The following DFFB variants were observed in gnomAD, a reference collection of about 807,000 sequenced individuals.
The protein encoded by DFFB is DNA fragmentation factor 40 kDa subunit.
A neutral mutation model predicts 32.7 loss-of-function variants in DFFB; 29 were observed. The observed-to-expected ratio is 0.89, with a 90% CI of 0.66 to 1.21. The LOEUF is 1.21. Among genes scored for constraint, DFFB ranks in the 50% most tolerant of loss-of-function variants. The pLI, the probability that DFFB is intolerant of heterozygous loss-of-function variation, is 0.00. For synonymous variants in DFFB, 170 were observed against 177.1 expected, an observed-to-expected ratio of 0.96 and a Z score of 0.32; for missense variants, 398 against 440.6, an observed-to-expected ratio of 0.90 and a Z score of 0.87.
intron 2 of DFFB, among the ~76,000 whole-genome samples, chr1:3,861,298 A>G (rs188052622): frequency 6.6e-6 from 1 of 152,236 alleles, no homozygotes; most frequent in Non-Finnish European, 1.5e-5. Context: ...ATTGCTGAGT[A>G]GCATTCCATG....
intron 6 of DFFB, among the ~76,000 whole-genome samples, chr1:3,875,571 C>G: frequency 6.6e-6 from 1 of 152,292 alleles, no homozygotes; most frequent in South Asian, 2.1e-4. Context: ...ATTTTCCCAA[C>G]CCGATAGGTG....
chr1:3,883,374 A>G, intron 6 of DFFB, 133 bp from the exon 7 acceptor site: 1 of 795,986 alleles, frequency 1.3e-6, no homozygotes, highest in Non-Finnish European at 2.0e-6. Flanking sequence ...AAACCTGGCC[A>G]GTAGGTGCGG....
At chr1:3,868,212 G>A (rs969104346) in intron 4 of DFFB, among the ~76,000 whole-genome samples, 159 bp downstream of exon 4, 13 of 152,136 alleles carry the variant, frequency 8.5e-5, no homozygotes, top group African/African-American at 1.2e-4. Flanking sequence ...GCTAGCGCAC[G>A]GACCCTGTGC....
chr1:3,860,534 C>A (rs1041285350), intron 2 of DFFB: 1 of 376,102 alleles, frequency 2.7e-6, no homozygotes, highest in Admixed American at 2.7e-5. Context: ...TGGCCTAAAC[C>A]GTTTATTTAG....
chr1:3,858,571 T>G (rs1644808501), intron 1 of DFFB, 147 bp from the exon 2 acceptor site: 1 of 985,970 alleles, frequency 1.0e-6, no homozygotes, highest in Non-Finnish European at 1.5e-6. Context: ...CATCCTTGCC[T>G]GGGCGTTGGA....
chr1:3,865,594 C>G lies in DFFB; in HGVS notation c.242-218C>G. The G allele has an allele frequency of 5.7e-6, 4 of 696,402 alleles. No homozygotes were observed. Among genetic ancestry groups the G allele is most frequent in the Non-Finnish European group, 1.0e-5 (4 of 387,834 alleles). 43.1% of individuals were successfully genotyped at this position (696,402 alleles called of 1,614,324 possible). ...TTTCATCTGTCCTCTAAAGCACACC[C>G]TGCCCCTCCCTCCTCTGTCCTCATG... On this transcript the variant is annotated intron_variant, in intron 2 of 6. Coordinates refer to ENST00000378209, the MANE Select transcript of DFFB (RefSeq NM_004402.4). The surrounding 1 kb of genome is among the most constrained non-coding windows in gnomAD (Gnocchi z 4.7).
chr1:3,861,454 G>A (rs1644879253), intron 2 of DFFB, among the ~76,000 whole-genome samples: 1 of 151,944 alleles, frequency 6.6e-6, no homozygotes. Flanking sequence ...TTTGAGACAG[G>A]GTCTCACCCT....
rs766725821 is a variant in DFFB, at chr1:3,857,561, G to A, written c.-43G>A. The A allele has an allele frequency of 2.8e-5, 40 of 1,431,152 alleles. No individual in the cohort carries two copies. Among genetic ancestry groups the A allele is most frequent in the African/African-American group, 4.3e-5 (3 of 69,284 alleles). 88.7% of individuals were successfully genotyped at this position (1,431,152 alleles called of 1,614,324 possible). A position where few individuals can be genotyped will look rare whatever the true frequency, so the allele number is the denominator to read the frequency against. On this transcript the variant is annotated 5_prime_UTR_variant, in exon 1 of 7. It adds an upstream start codon to the 5' untranslated region. Coordinates refer to ENST00000378209, the MANE Select transcript of DFFB (RefSeq NM_004402.4). ...ACGGATCTGAGCAGCTGGGCAGCAG[G>A]TGCCACCGCCTGTGGGACCCAGAGG... is the stretch of plus-strand genomic sequence containing the variant.
At chr1:3,858,606 C>T in intron 1 of DFFB, 112 bp from the exon 2 acceptor site, 1 of 1,375,258 alleles carries the variant, frequency 7.3e-7, no homozygotes, top group Non-Finnish European at 9.9e-7. Context: ...CAGGCGGCAG[C>T]CTGAGCCTGC....
intron 6 of DFFB, among the ~76,000 whole-genome samples, chr1:3,880,561 G>T (rs35259658): frequency 0.1 from 15,745 of 152,230 alleles, 1,059 homozygotes; most frequent in Non-Finnish European, 0.15. Context: ...TGCCGCTGCT[G>T]GGTCTGCCTC....
Position 3,878,808 on chromosome 1 carries a change from T to G in DFFB, c.783-4699T>G, listed in dbSNP as rs114403617. Among the ~76,000 whole-genome samples, 597 of 152,320 alleles carry G rather than the reference T, an allele frequency of 3.9e-3. 1 individual carries two copies. The highest frequency in any genetic ancestry group is 0.014 in the African/African-American group (564 of 41,570). ...TTTTATGGCCAACACTTCCATTTAT[T>G]TATCAACAGATTCACCCGTGTCTGT... On this transcript the variant is annotated intron_variant, in intron 6 of 6. Coordinates refer to ENST00000378209, the MANE Select transcript of DFFB (RefSeq NM_004402.4).
In DFFB at chr1:3,868,024, G is replaced by A; in HGVS notation, c.481G>A (p.Glu161Lys). Residue 161 changes from glutamate to lysine, a missense_variant, in exon 4 of 7, where the codon GAG (glutamate) becomes AAG (lysine). Glu to Lys is a moderately conservative substitution (Grantham distance 56). Coordinates refer to ENST00000378209, the MANE Select transcript of DFFB (RefSeq NM_004402.4). Reference protein sequence around the residue: ...SKSGYLRYSCESRIRSYLREV... With the variant: ...SKSGYLRYSCKSRIRSYLREV... ...GTCTGGCTATCTGAGATACAGCTGT[G>A]AGAGCCGGATCCGGAGTTACCTGAG... 1 of 1,614,140 alleles carries A rather than the reference G, an allele frequency of 6.2e-7. No individual in the cohort carries two copies. The highest frequency in any genetic ancestry group is 8.5e-7 in the Non-Finnish European group (1 of 1,180,008).
At chr1:3,868,613 G>C (rs74205640) in intron 4 of DFFB, among the ~76,000 whole-genome samples, 34,404 of 50,170 alleles carry the variant, frequency 0.69, 10,144 homozygotes, top group Non-Finnish European at 0.71. Context: ...CACCATACCA[G>C]ACCACACCAC....
rs1281786716 is a variant in DFFB, at chr1:3,865,623, C to T, written c.242-189C>T. ...CCCTCCCTCCTCTGTCCTCATGCCG[C>T]CCTTGTGCGTGGTCCCCAGCTGTTG... is the stretch of plus-strand genomic sequence containing the variant. On this transcript the variant is annotated intron_variant, in intron 2 of 6. Coordinates refer to ENST00000378209, the MANE Select transcript of DFFB (RefSeq NM_004402.4). This position sits in a 1 kb window ranked among gnomAD's most constrained non-coding sequence, Gnocchi z 4.7. 4.9e-6 allele frequency: 4 copies of T among 823,010 alleles called. No individual in the cohort carries two copies. The highest frequency in any genetic ancestry group is 3.4e-5 in the African/African-American group (2 of 59,566). 51.0% of individuals were successfully genotyped at this position (823,010 alleles called of 1,614,324 possible).
In DFFB at chr1:3,865,938, T is replaced by C. The variant is rs1467392887; in HGVS notation, c.368T>C (p.Leu123Pro). Reference sequence around the variant, plus strand: ...AGGCAGAGGCTGCTGGCTGACCTCCTGCACAACGTCAGCCAGAACATCGCG... The same window carrying C: ...AGGCAGAGGCTGCTGGCTGACCTCCCGCACAACGTCAGCCAGAACATCGCG... ...PQRQRLLADLLHNVSQNIAAE... is the reference protein window; with the variant it reads ...PQRQRLLADLPHNVSQNIAAE... The change falls in exon 3 of 7, where the codon CTG (leucine) becomes CCG (proline). Residue 123 changes from leucine to proline, a missense_variant. By Grantham distance (98) the Leu-to-Pro change is moderately conservative. Coordinates refer to ENST00000378209, the MANE Select transcript of DFFB (RefSeq NM_004402.4). This position sits in a 1 kb window ranked among gnomAD's most constrained non-coding sequence, Gnocchi z 4.7. The C allele has an allele frequency of 1.2e-6, 2 of 1,607,700 alleles. No individual in the cohort carries two copies. Among genetic ancestry groups the C allele is most frequent in the Admixed American group, 1.7e-5 (1 of 59,786 alleles).
intron 2 of DFFB, 60 bp downstream of exon 2, chr1:3,858,904 C>A: frequency 6.3e-7 from 1 of 1,593,120 alleles, no homozygotes; most frequent in Non-Finnish European, 8.5e-7. Context: ...GTCCTGGGGG[C>A]TTAGCTCCAG....
rs1428701538 is a variant in DFFB at position 3,883,964 on chromosome 1, T to C, written c.*223T>C. Reference sequence around the variant, plus strand: ...TTTTGTAGATGGAGTTTCACTTTTGTTGCCCAGGCTGGAGTGTAGTGGCGC... The same window carrying C: ...TTTTGTAGATGGAGTTTCACTTTTGCTGCCCAGGCTGGAGTGTAGTGGCGC... On this transcript the variant is annotated 3_prime_UTR_variant, in exon 7 of 7. Transcript: ENST00000378209. 1 of 542,706 alleles carries C rather than the reference T, an allele frequency of 1.8e-6. No individual in the cohort carries two copies. The highest frequency in any genetic ancestry group is 3.3e-6 in the Non-Finnish European group (1 of 304,722). 33.6% of individuals were successfully genotyped at this position (542,706 alleles called of 1,614,324 possible).
chr1:3,876,939 G>A (rs1311836232), intron 6 of DFFB, among the ~76,000 whole-genome samples: 2 of 152,252 alleles, frequency 1.3e-5, no homozygotes, highest in African/African-American at 2.4e-5. Context: ...AAGGTGGCAC[G>A]AGGAGCGTCC....
chr1:3,874,465 G>A (rs75847189), intron 6 of DFFB, among the ~76,000 whole-genome samples: 3 of 32,522 alleles, frequency 9.2e-5, no homozygotes, highest in Admixed American at 3.2e-4. Flanking sequence ...CACGCGTGTG[G>A]GTTTAACATG....
Sources: gnomAD v4.1 joint callset for allele counts (sites outside exome capture counted in the v4.1 genomes callset) on GRCh38, gnomAD v4.1.1 for gene constraint, Gnocchi (gnomAD v3.1) non-coding constraint, MANE v1.5 for transcripts, NCBI Gene and HGNC (gene_info 2026-07-23, HGNC 2026-07-21) for gene names.